MARCHF1: variants seen among roughly 807,000 people sequenced by gnomAD.
MARCHF1 encodes E3 ubiquitin-protein ligase MARCHF1.
In MARCHF1, 40 loss-of-function variants were observed where a neutral mutation model predicts 54.2. The ratio of observed to expected loss-of-function variants is 0.74; its 90% confidence interval spans 0.57 to 0.96. MARCHF1 has a LOEUF of 0.96. Ranked by LOEUF, MARCHF1 falls within the 40% of genes least tolerant of loss-of-function variation. MARCHF1 has a pLI of 0.00. For synonymous variants in MARCHF1, 236 were observed against 236.3 expected, an observed-to-expected ratio of 1.00 and a Z score of 0.01; for missense variants, 586 against 656.5, an observed-to-expected ratio of 0.89 and a Z score of 1.17.
chr4:164,050,943 A>G (rs1221194338), intron 2 of MARCHF1, among the ~76,000 whole-genome samples: 2 of 151,914 alleles, frequency 1.3e-5, no homozygotes, highest in Non-Finnish European at 2.9e-5. Flanking sequence ...AATAATAATA[A>G]TAGTAATAAT....
intron 5 of MARCHF1, among the ~76,000 whole-genome samples, chr4:163,638,165 C>T (rs967303042): frequency 4.0e-5 from 6 of 149,586 alleles, no homozygotes; most frequent in Non-Finnish European, 7.4e-5. Context: ...GTGGGTGCAG[C>T]GCACCAGCAT....
At chr4:163,695,747 G>A (rs975890099) in intron 5 of MARCHF1, among the ~76,000 whole-genome samples, 12 of 152,048 alleles carry the variant, frequency 7.9e-5, no homozygotes, top group Non-Finnish European at 1.2e-4. Context: ...CTTTCCTTTT[G>A]ACAGTTGGCT....
intron 5 of MARCHF1, among the ~76,000 whole-genome samples, chr4:163,666,685 T>G (rs2111115883): frequency 6.6e-6 from 1 of 152,142 alleles, no homozygotes; most frequent in Non-Finnish European, 1.5e-5. Context: ...ACAGAAGATG[T>G]CTTGTCACAA....
At chr4:164,290,364 T>G (rs1734258511) in intron 1 of MARCHF1, among the ~76,000 whole-genome samples, 1 of 151,988 alleles carries the variant, frequency 6.6e-6, no homozygotes, top group African/African-American at 2.4e-5. Context: ...AAAAAGACAT[T>G]TCATTATAAG....
intron 2 of MARCHF1, among the ~76,000 whole-genome samples, chr4:164,082,487 T>G (rs974773494): frequency 6.6e-6 from 1 of 152,210 alleles, no homozygotes. Flanking sequence ...ATTTAGAAGA[T>G]GCCAACTTTA....
intron 1 of MARCHF1, among the ~76,000 whole-genome samples, chr4:164,148,558 TC>T (rs1031739855): frequency 2.6e-5 from 4 of 152,292 alleles, no homozygotes; most frequent in East Asian, 1.9e-4. Flanking sequence ...GAGCACAGTT[TC>T]TTCTGTTTTC....
intron 3 of MARCHF1, among the ~76,000 whole-genome samples, chr4:163,979,075 C>G (rs1404338492): frequency 1.2e-4 from 16 of 135,640 alleles, no homozygotes; most frequent in South Asian, 2.4e-4. Flanking sequence ...CATTGTGCAG[C>G]TTAGTTACAT....
chr4:163,595,851 T>A (rs1740751244), intron 7 of MARCHF1, among the ~76,000 whole-genome samples: 1 of 152,050 alleles, frequency 6.6e-6, no homozygotes, highest in African/African-American at 2.4e-5. Context: ...GTGCCTATAG[T>A]TAACAGTAAA....
Position 163,594,786 on chromosome 4 carries a change from A to ACACACC in MARCHF1, c.1011-8858_1011-8857insGGTGTG, listed in dbSNP as rs1173614623. Among the ~76,000 whole-genome samples, 25 of 151,446 alleles carry ACACACC rather than the reference A, an allele frequency of 1.7e-4. 1 individual carries two copies. The highest frequency in any genetic ancestry group is 6.1e-4 in the African/African-American group (25 of 41,112). On this transcript the variant is annotated intron_variant, in intron 7 of 9. Transcript: ENST00000514618. ...CACACACACACACACACACACACAC[A>ACACACC]CCCAAACCCAAACAAGATAAATGCT...
chr4:163,860,549 A>G (rs183720471), intron 3 of MARCHF1, among the ~76,000 whole-genome samples: 3 of 152,222 alleles, frequency 2.0e-5, no homozygotes, highest in East Asian at 1.9e-4. Flanking sequence ...TGCCCTGCCT[A>G]TGGTGGGGAG....
intron 4 of MARCHF1, among the ~76,000 whole-genome samples, chr4:163,712,999 A>G (rs1745151702): frequency 6.6e-6 from 1 of 152,156 alleles, no homozygotes; most frequent in African/African-American, 2.4e-5. Context: ...TTGTTTCTAT[A>G]TTATGAATCC....
At chr4:164,215,502 A>C (rs970746487) in intron 1 of MARCHF1, among the ~76,000 whole-genome samples, 1 of 152,244 alleles carries the variant, frequency 6.6e-6, no homozygotes. Flanking sequence ...GAAAACAAAA[A>C]TTCTTGTCTT....
At chr4:163,745,070 A>T (rs1274441827) in intron 4 of MARCHF1, among the ~76,000 whole-genome samples, 1 of 151,770 alleles carries the variant, frequency 6.6e-6, no homozygotes, top group Non-Finnish European at 1.5e-5. Flanking sequence ...TTCATAAGAG[A>T]GTGCCAAGAA....
intron 8 of MARCHF1, among the ~76,000 whole-genome samples, chr4:163,579,384 G>T (rs986637288): frequency 6.6e-5 from 10 of 152,144 alleles, no homozygotes; most frequent in Non-Finnish European, 1.3e-4. Context: ...CAATCAAGTT[G>T]AAATATTTTT....
chr4:163,764,466 T>A (rs772056422), intron 4 of MARCHF1, among the ~76,000 whole-genome samples: 1 of 152,114 alleles, frequency 6.6e-6, no homozygotes, highest in African/African-American at 2.4e-5. Flanking sequence ...GATTTGCTAA[T>A]TCTTTGGAGA....
At chr4:163,928,393 A>G (rs745822309) in intron 3 of MARCHF1, among the ~76,000 whole-genome samples, 3 of 151,944 alleles carry the variant, frequency 2.0e-5, no homozygotes, top group Non-Finnish European at 4.4e-5. Flanking sequence ...CAATCAGACA[A>G]TGGATAGGGA....
intron 1 of MARCHF1, among the ~76,000 whole-genome samples, chr4:164,243,331 C>G (rs1412147510): frequency 7.7e-5 from 11 of 143,718 alleles, no homozygotes; most frequent in African/African-American, 1.0e-4. Flanking sequence ...ATTCAACATT[C>G]TTAAAGAAAA....
chr4:164,366,019 T>C (rs558652704), intron 1 of MARCHF1, among the ~76,000 whole-genome samples: 2 of 152,108 alleles, frequency 1.3e-5, no homozygotes, highest in East Asian at 3.9e-4. Context: ...GAACAAGAAG[T>C]TGCAAGACTC....
intron 5 of MARCHF1, among the ~76,000 whole-genome samples, chr4:163,637,118 C>T (rs1194241301): frequency 9.9e-5 from 15 of 151,408 alleles, no homozygotes; most frequent in South Asian, 6.3e-4. Flanking sequence ...AAGACTTAAG[C>T]GTTAGACCTA....
Sources: gnomAD v4.1 joint callset for allele counts (sites outside exome capture counted in the v4.1 genomes callset) on GRCh38, gnomAD v4.1.1 for gene constraint, MANE v1.5 for transcripts, NCBI Gene and HGNC (gene_info 2026-07-23, HGNC 2026-07-21) for gene names.